Variants in BTBD9 observed in about 807,000 individuals in gnomAD.
BTBD9 encodes BTB domain containing 9.
In BTBD9, 49 loss-of-function variants were observed where a neutral mutation model predicts 64.3. The ratio of observed to expected loss-of-function variants is 0.76; its 90% CI spans 0.61 to 0.97. BTBD9 has a LOEUF of 0.97. Ranked by LOEUF, BTBD9 falls within the 50% of genes least tolerant of loss-of-function variation. The probability of loss-of-function intolerance (pLI) is 0.00; values close to 1 mark genes in which losing one functional copy is unlikely to be tolerated. For missense variants in BTBD9, 598 were observed against 762.1 expected, an observed-to-expected ratio of 0.78 and a Z score of 2.53; for synonymous variants, 260 against 274.7, an observed-to-expected ratio of 0.95 and a Z score of 0.53.
chr6:38,178,736 C>G (rs1358930512), intron 10 of BTBD9, among the ~76,000 whole-genome samples: 2 of 114,516 alleles, frequency 1.7e-5, no homozygotes, highest in Non-Finnish European at 3.4e-5. Context: ...GGCCTGGGAG[C>G]AGCAGGGTGT....
chr6:38,462,289 A>T (rs1370917610), intron 6 of BTBD9, among the ~76,000 whole-genome samples: 1 of 152,154 alleles, frequency 6.6e-6, no homozygotes, highest in South Asian at 2.1e-4. Context: ...GAAAGTTTAT[A>T]ATTTTAGGTT....
At chr6:38,483,943 C>T (rs4714168) in intron 6 of BTBD9, among the ~76,000 whole-genome samples, 150,941 of 152,340 alleles carry the variant, frequency 0.99, 74,787 homozygotes, top group East Asian at 1. Context: ...GTCAGTATCA[C>T]ATTTATTTCT....
At chr6:38,481,286 T>G (rs376143284) in intron 6 of BTBD9, among the ~76,000 whole-genome samples, 12 of 152,318 alleles carry the variant, frequency 7.9e-5, no homozygotes, top group African/African-American at 2.4e-4. Flanking sequence ...TAATTCAAAT[T>G]AATTCCTTTC....
chr6:38,233,374 A>T (rs1294300598), intron 9 of BTBD9, among the ~76,000 whole-genome samples: 1 of 152,230 alleles, frequency 6.6e-6, no homozygotes, highest in Non-Finnish European at 1.5e-5. Flanking sequence ...TTGAAGAGAT[A>T]TCAGATAAAC....
At chr6:38,564,593 G>C (rs1171581800) in intron 6 of BTBD9, among the ~76,000 whole-genome samples, 1 of 151,852 alleles carries the variant, frequency 6.6e-6, no homozygotes, top group Non-Finnish European at 1.5e-5. Context: ...CATAACATAA[G>C]AATCTCACTA....
intron 6 of BTBD9, among the ~76,000 whole-genome samples, chr6:38,569,102 A>T (rs1411356127): frequency 2.0e-5 from 3 of 152,252 alleles, no homozygotes; most frequent in Non-Finnish European, 4.4e-5. Context: ...AAGCAGAAGA[A>T]CCTAATGATG....
chr6:38,238,615 G>A (rs1233013703), intron 9 of BTBD9, among the ~76,000 whole-genome samples: 1 of 151,954 alleles, frequency 6.6e-6, no homozygotes, highest in Non-Finnish European at 1.5e-5. Flanking sequence ...TGGGACTACA[G>A]GCGCCCACCA....
At chr6:38,334,068 C>T (rs1459893789) in intron 7 of BTBD9, among the ~76,000 whole-genome samples, 3 of 152,202 alleles carry the variant, frequency 2.0e-5, no homozygotes, top group Non-Finnish European at 4.4e-5. Flanking sequence ...GTAAAGGTCA[C>T]TTTTGCTATG....
At chr6:38,281,679 T>A (rs1305697793) in intron 8 of BTBD9, among the ~76,000 whole-genome samples, 1 of 152,210 alleles carries the variant, frequency 6.6e-6, no homozygotes, top group African/African-American at 2.4e-5. Flanking sequence ...TGCATTTATA[T>A]AATATTTTCC....
chr6:38,362,855 T>C (rs1419355508), intron 6 of BTBD9, among the ~76,000 whole-genome samples: 1 of 152,104 alleles, frequency 6.6e-6, no homozygotes, highest in Non-Finnish European at 1.5e-5. Context: ...TGCTCAAACA[T>C]AATCACCAAA....
At chr6:38,410,921 T>C (rs16890672) in intron 6 of BTBD9, among the ~76,000 whole-genome samples, 5,201 of 152,230 alleles carry the variant, frequency 0.034, 178 homozygotes, top group East Asian at 0.11. Flanking sequence ...ATATTATTCA[T>C]GCAAGTGGTT....
chr6:38,453,667 G>A (rs1480392102), intron 6 of BTBD9, among the ~76,000 whole-genome samples: 4 of 152,160 alleles, frequency 2.6e-5, no homozygotes, highest in African/African-American at 9.7e-5. Flanking sequence ...TAGATTCTGT[G>A]TAAAGAATGC....
In BTBD9 at chr6:38,483,997, G is replaced by A. The variant is rs142194540; in HGVS notation, c.1154+93603C>T. ...TCTCTCCTACTACAATGTAAACTGC[G>A]TTAAGCAACAACTTAATCTCGTTTA... is the stretch of plus-strand genomic sequence containing the variant. On this transcript the variant is annotated intron_variant, in intron 6 of 10. Coordinates refer to ENST00000481247, the MANE Select transcript of BTBD9 (RefSeq NM_001099272.2). Among the ~76,000 whole-genome samples the A allele has an allele frequency of 4.9e-3, 748 of 152,182 alleles. 4 individuals are homozygous for A. Among genetic ancestry groups the A allele is most frequent in the African/African-American group, 0.015 (625 of 41,502 alleles).
intron 6 of BTBD9, among the ~76,000 whole-genome samples, chr6:38,545,934 T>C (rs1233240735): frequency 1.4e-5 from 2 of 146,984 alleles, no homozygotes; most frequent in East Asian, 4.1e-4. Context: ...ACTATAGGAA[T>C]GTGAGAATGG....
At chr6:38,526,191 C>T (rs1453808921) in intron 6 of BTBD9, among the ~76,000 whole-genome samples, 4 of 152,240 alleles carry the variant, frequency 2.6e-5, no homozygotes, top group Admixed American at 6.5e-5. Context: ...CTGTATCGCA[C>T]CTGCTCCAGC....
At chr6:38,598,832 G>A (rs561443390) in intron 1 of BTBD9, among the ~76,000 whole-genome samples, 5 of 152,170 alleles carry the variant, frequency 3.3e-5, no homozygotes, top group African/African-American at 1.2e-4. Flanking sequence ...CAAGAGAATC[G>A]TTTGAACCCA....
At chr6:38,620,774 C>T (rs1278234876) in intron 1 of BTBD9, among the ~76,000 whole-genome samples, 1 of 152,118 alleles carries the variant, frequency 6.6e-6, no homozygotes, top group African/African-American at 2.4e-5. Context: ...GCGGGGGTTC[C>T]TTGGGATCAC....
intron 7 of BTBD9, among the ~76,000 whole-genome samples, chr6:38,307,169 C>T (rs182459268): frequency 6.6e-6 from 1 of 152,164 alleles, no homozygotes; most frequent in African/African-American, 2.4e-5. Context: ...AAGCTTCTAA[C>T]CCAACTGTAA....
chr6:38,580,692 T>C (rs1562370855), intron 4 of BTBD9, among the ~76,000 whole-genome samples: 1 of 151,114 alleles, frequency 6.6e-6, no homozygotes, highest in Non-Finnish European at 1.5e-5. Context: ...GCCCAGGAGT[T>C]TGAGACCAGC....
Sources: allele counts gnomAD v4.1 joint callset (sites outside exome capture counted in the v4.1 genomes callset), GRCh38; gene constraint gnomAD v4.1.1; transcripts MANE v1.5; gene names NCBI Gene and HGNC (gene_info 2026-07-23, HGNC 2026-07-21).